The following FRAS1 variants were observed in gnomAD, a reference collection of about 807,000 sequenced individuals.
The protein encoded by FRAS1 is Fraser extracellular matrix complex subunit 1.
FRAS1 carries 290 observed loss-of-function variants against 435.2 expected under a neutral mutation model. That is an observed-to-expected ratio of 0.67 (90% confidence interval 0.61 to 0.73). FRAS1 has a LOEUF of 0.73. FRAS1 is among the 30% of genes least tolerant of loss of function. FRAS1 has a pLI of 0.00. For missense variants in FRAS1, 4,860 were observed against 5,001.5 expected, an observed-to-expected ratio of 0.97 and a Z score of 0.85; for synonymous variants, 1,800 against 1,851.0, an observed-to-expected ratio of 0.97 and a Z score of 0.71.
intron 2 of FRAS1, among the ~76,000 whole-genome samples, chr4:78,078,801 A>T (rs1292175315): frequency 6.6e-6 from 1 of 152,188 alleles, no homozygotes; most frequent in Non-Finnish European, 1.5e-5. Context: ...CAAATATATT[A>T]AGAAGAATTG....
intron 14 of FRAS1, among the ~76,000 whole-genome samples, chr4:78,296,114 C>G (rs1233086263): frequency 6.6e-6 from 1 of 151,124 alleles, no homozygotes; most frequent in Non-Finnish European, 1.5e-5. Flanking sequence ...AGGATGCATA[C>G]ATGTTATTAG....
At chr4:78,098,224 G>A (rs1741916490) in intron 2 of FRAS1, among the ~76,000 whole-genome samples, 2 of 151,836 alleles carry the variant, frequency 1.3e-5, no homozygotes, top group Admixed American at 1.3e-4. Flanking sequence ...TTGCCACTCT[G>A]GGTTCCCACT....
chr4:78,081,989 C>G (rs1248894402), intron 2 of FRAS1, among the ~76,000 whole-genome samples: 1 of 152,084 alleles, frequency 6.6e-6, no homozygotes, highest in Non-Finnish European at 1.5e-5. Context: ...GCATCTTACT[C>G]ATATTCCACT....
At chr4:78,469,906 G>A in intron 50 of FRAS1, 72 bp from the exon 51 acceptor site, 1 of 1,074,574 alleles carries the variant, frequency 9.3e-7, no homozygotes, top group Non-Finnish European at 1.4e-6. Flanking sequence ...GGTTACAGCT[G>A]TGTAGGCCCT....
intron 3 of FRAS1, among the ~76,000 whole-genome samples, chr4:78,241,368 G>A (rs1469455499): frequency 6.6e-6 from 1 of 152,094 alleles, no homozygotes. Context: ...CTTCACTATT[G>A]CAGCCCGTCA....
intron 69 of FRAS1, among the ~76,000 whole-genome samples, 151 bp downstream of exon 69, chr4:78,522,959 C>A (rs574042003): frequency 6.6e-6 from 1 of 152,240 alleles, no homozygotes; most frequent in South Asian, 2.1e-4. Context: ...AGTAGTGGTG[C>A]TAGCTGGTAG....
At chr4:78,201,961 T>C (rs1578182787) in intron 2 of FRAS1, among the ~76,000 whole-genome samples, 2 of 152,298 alleles carry the variant, frequency 1.3e-5, no homozygotes, top group Non-Finnish European at 2.9e-5. Flanking sequence ...CCAGAGGGTC[T>C]CAAGCAGGGA....
intron 2 of FRAS1, among the ~76,000 whole-genome samples, chr4:78,234,985 A>G (rs1724686764): frequency 6.6e-6 from 1 of 152,250 alleles, no homozygotes; most frequent in Admixed American, 6.5e-5. Context: ...GGATTGGCTC[A>G]TGCGATCATT....
At chr4:78,237,062 A>T (rs568501787) in intron 2 of FRAS1, among the ~76,000 whole-genome samples, 4 of 152,144 alleles carry the variant, frequency 2.6e-5, no homozygotes, top group African/African-American at 9.6e-5. Context: ...AGTAGCAAAG[A>T]GCTGAAAAAT....
chr4:78,508,916 G>C lies in FRAS1; in HGVS notation c.9690G>C (p.Trp3230Cys), dbSNP rs769379523. ...GINQTSVQFS[W>C]EVAAPTDGNG... Reference sequence around the variant, plus strand: ...ACCAGACATCTGTGCAGTTCAGCTGGGAAGTGGCTGCCCCCACTGATGGCA... The same window carrying C: ...ACCAGACATCTGTGCAGTTCAGCTGCGAAGTGGCTGCCCCCACTGATGGCA... The change falls in exon 63 of 74, where the codon TGG becomes TGC. Residue 3230 changes from tryptophan (W) to cysteine (C), a missense_variant. Trp to Cys is a radical substitution (Grantham distance 215, BLOSUM62 -2). Coordinates refer to ENST00000512123, the MANE Select transcript of FRAS1 (RefSeq NM_025074.7). 5.6e-6 allele frequency: 9 copies of C among 1,613,816 alleles called. No individual in the cohort carries two copies. The Admixed American group carries it at 1.5e-4, about 27-fold the overall frequency.
chr4:78,287,962 C>G (rs574861631), intron 14 of FRAS1, among the ~76,000 whole-genome samples: 4 of 152,290 alleles, frequency 2.6e-5, no homozygotes, highest in Middle Eastern at 3.4e-3. Flanking sequence ...AGAAATATCA[C>G]CTGCATGTCT....
At chr4:78,116,364 A>T (rs1743176029) in intron 2 of FRAS1, among the ~76,000 whole-genome samples, 1 of 152,164 alleles carries the variant, frequency 6.6e-6, no homozygotes, top group African/African-American at 2.4e-5. Context: ...TGCAGAGCTG[A>T]GTTTAATTCC....
intron 19 of FRAS1, among the ~76,000 whole-genome samples, chr4:78,336,289 C>A (rs1215071667): frequency 6.6e-6 from 1 of 152,154 alleles, no homozygotes; most frequent in Non-Finnish European, 1.5e-5. Context: ...TTCCTGGTTT[C>A]TTTGTCATTA....
At chr4:78,173,614 T>C (rs1721645083) in intron 2 of FRAS1, among the ~76,000 whole-genome samples, 1 of 152,250 alleles carries the variant, frequency 6.6e-6, no homozygotes, top group African/African-American at 2.4e-5. Flanking sequence ...AAAATATCTT[T>C]TCCAGTTATT....
intron 13 of FRAS1, 187 bp from the exon 14 acceptor site, chr4:78,286,218 G>A (rs988573142): frequency 2.8e-6 from 2 of 718,190 alleles, no homozygotes; most frequent in Non-Finnish European, 5.0e-6. Context: ...TATACGTAAA[G>A]CACTTCAAAC....
intron 2 of FRAS1, among the ~76,000 whole-genome samples, chr4:78,123,461 C>T (rs894305152): frequency 6.6e-6 from 1 of 152,146 alleles, no homozygotes; most frequent in Non-Finnish European, 1.5e-5. Flanking sequence ...GCTATGCAGG[C>T]TCTTTTTTGG....
chr4:78,499,786 G>A lies in FRAS1; in HGVS notation c.9181G>A (p.Ala3061Thr), dbSNP rs777363315. Residue 3061 changes from alanine (A) to threonine (T), a missense_variant, in exon 61 of 74, where the codon GCG becomes ACG. Transcript: ENST00000512123. ...GGAACCCGCAGGCCCAGATGCCATT[G>A]CGATTCTGAACATCAAGGTGATCCG... is the stretch of plus-strand genomic sequence containing the variant. The part of the protein sequence containing the change: ...VREPAGPDAI[A>T]ILNIKVIRRG... 4.3e-6 allele frequency: 7 copies of A among 1,613,980 alleles called. No homozygotes were observed. In the South Asian group the frequency reaches 7.7e-5, roughly 18 times the overall value.
At chr4:78,183,470 C>A (rs1011533365) in intron 2 of FRAS1, among the ~76,000 whole-genome samples, 5 of 152,152 alleles carry the variant, frequency 3.3e-5, no homozygotes, top group African/African-American at 1.2e-4. Flanking sequence ...CTTTCAGCAG[C>A]CCTGCTCAGG....
At chr4:78,463,989 C>A (rs759801717) in intron 47 of FRAS1, 32 bp from the exon 48 acceptor site, 1 of 1,610,884 alleles carries the variant, frequency 6.2e-7, no homozygotes, top group Admixed American at 1.7e-5. Flanking sequence ...TTTTAATATC[C>A]TGTCTCTGTT....
Sources: gnomAD v4.1 joint callset for allele counts (sites outside exome capture counted in the v4.1 genomes callset) on GRCh38, gnomAD v4.1.1 for gene constraint, MANE v1.5 for transcripts, NCBI Gene and HGNC (gene_info 2026-07-23, HGNC 2026-07-21) for gene names.